Variants in INPP4B observed in about 807,000 individuals in gnomAD.
INPP4B encodes the protein inositol polyphosphate 4-phosphatase type II.
Under a neutral mutation model 122.5 loss-of-function variants are expected in INPP4B, and 55 were observed. The observed-to-expected ratio is 0.45, with a 90% CI of 0.36 to 0.56. INPP4B has a LOEUF of 0.56. INPP4B is among the 20% of genes least tolerant of loss of function. The pLI is 0.00. For missense variants in INPP4B, 1,000 were observed against 1,097.7 expected (o/e 0.91, Z 1.26); for synonymous variants, 403 against 388.7 (o/e 1.04, Z -0.43).
intron 2 of INPP4B, among the ~76,000 whole-genome samples, chr4:142,706,488 G>A (rs1762488795): frequency 6.6e-6 from 1 of 152,124 alleles, no homozygotes; most frequent in Admixed American, 6.5e-5. Context: ...TCTGGCTAGG[G>A]GTATGTATTT....
In INPP4B at chr4:142,512,217, TC is replaced by T. The variant is rs548243766; in HGVS notation, c.-190-49492del. On this transcript the variant is annotated intron_variant, in intron 2 of 25. Transcript: ENST00000262992. ...TAAAATCCCATGACCAGTTTATTAC[TC>T]ATTAAAAAATAGCTAAGTACCTTTT... 1.4e-3 allele frequency among the ~76,000 whole-genome samples: 210 copies of T among 152,284 alleles called. 4 individuals are homozygous for T. The South Asian group carries it at 0.044, about 32-fold the overall frequency.
intron 12 of INPP4B, among the ~76,000 whole-genome samples, chr4:142,227,856 T>TAAAAAAAAAA (rs60375355): frequency 1.8e-4 from 6 of 34,226 alleles, no homozygotes; most frequent in East Asian, 9.5e-4. Flanking sequence ...AGACTCTATC[T>TAAAAAAAAAA]AAAAAAAAAA....
At chr4:142,257,382 G>T (rs1269522866) in intron 11 of INPP4B, among the ~76,000 whole-genome samples, 7 of 152,116 alleles carry the variant, frequency 4.6e-5, no homozygotes, top group Non-Finnish European at 1.0e-4. Flanking sequence ...AGGAAATAAA[G>T]GGTATTCAAT....
At chr4:142,832,977 CA>C (rs1474902652) in intron 1 of INPP4B, among the ~76,000 whole-genome samples, 1 of 152,030 alleles carries the variant, frequency 6.6e-6, no homozygotes, top group Non-Finnish European at 1.5e-5. Context: ...CCTTGTTTTA[CA>C]TGATAATACG....
chr4:142,188,613 G>C (rs1018215342), intron 15 of INPP4B, among the ~76,000 whole-genome samples: 2 of 149,220 alleles, frequency 1.3e-5, no homozygotes, highest in Non-Finnish European at 3.0e-5. Context: ...ACAAGTCAAA[G>C]GTCTAAGTGG....
chr4:142,353,643 A>G lies in INPP4B; in HGVS notation c.373-38881T>C, dbSNP rs1782659056. On this transcript the variant is annotated intron_variant, in intron 7 of 25. Coordinates refer to ENST00000262992, the MANE Select transcript of INPP4B (RefSeq NM_001101669.3). Reference sequence around the variant, plus strand: ...ATACAACTGCATCTAGGATTATCTGATTGCTGCCTTTGCTTAGCCACTTAT... The same window carrying G: ...ATACAACTGCATCTAGGATTATCTGGTTGCTGCCTTTGCTTAGCCACTTAT... 1.3e-5 allele frequency among the ~76,000 whole-genome samples: 2 copies of G among 151,966 alleles called. 1 individual carries two copies. Among genetic ancestry groups the G allele is most frequent in the South Asian group, 4.1e-4 (2 of 4,828 alleles).
intron 2 of INPP4B, among the ~76,000 whole-genome samples, chr4:142,566,772 C>A (rs1328051952): frequency 6.6e-6 from 1 of 152,106 alleles, no homozygotes; most frequent in Admixed American, 6.5e-5. Flanking sequence ...TTGGGACTCT[C>A]CAGGAGGTTG....
At chr4:142,463,553 GA>G (rs1277247606) in intron 2 of INPP4B, among the ~76,000 whole-genome samples, 17 of 152,234 alleles carry the variant, frequency 1.1e-4, no homozygotes, top group African/African-American at 4.1e-4. Flanking sequence ...GCATGACTAT[GA>G]TTATACAGCT....
intron 5 of INPP4B, among the ~76,000 whole-genome samples, chr4:142,418,407 A>G (rs1211720916): frequency 6.6e-6 from 1 of 152,184 alleles, no homozygotes; most frequent in Non-Finnish European, 1.5e-5. Flanking sequence ...TGTGCCCAAT[A>G]TGATTCTAGG....
chr4:142,253,358 G>C (rs961789103), intron 11 of INPP4B, among the ~76,000 whole-genome samples: 11 of 152,204 alleles, frequency 7.2e-5, no homozygotes, highest in Non-Finnish European at 1.3e-4. Flanking sequence ...GAGCCAAGAT[G>C]GCCGAATAGG....
At chr4:142,303,930 T>C (rs1762429778) in intron 9 of INPP4B, among the ~76,000 whole-genome samples, 1 of 152,146 alleles carries the variant, frequency 6.6e-6, no homozygotes, top group South Asian at 2.1e-4. Context: ...TCACTAATTT[T>C]AATTTTACTA....
intron 2 of INPP4B, among the ~76,000 whole-genome samples, chr4:142,651,534 G>A (rs1339222973): frequency 2.6e-5 from 4 of 151,846 alleles, no homozygotes; most frequent in South Asian, 2.1e-4. Context: ...ACTGATAAAG[G>A]GGATATCACC....
At chr4:142,474,042 G>A (rs1819389803) in intron 2 of INPP4B, among the ~76,000 whole-genome samples, 1 of 152,172 alleles carries the variant, frequency 6.6e-6, no homozygotes, top group Non-Finnish European at 1.5e-5. Flanking sequence ...TGCAGGGCAG[G>A]AGACCCCACC....
At chr4:142,394,533 T>C (rs1798743089) in intron 7 of INPP4B, among the ~76,000 whole-genome samples, 3 of 152,246 alleles carry the variant, frequency 2.0e-5, no homozygotes, top group South Asian at 4.1e-4. Flanking sequence ...AGGTGATATC[T>C]CATTATGGTT....
intron 12 of INPP4B, among the ~76,000 whole-genome samples, chr4:142,225,788 G>A (rs1851288828): frequency 6.6e-6 from 1 of 152,016 alleles, no homozygotes. Flanking sequence ...TGGTTATGAG[G>A]TTCATTTCCA....
chr4:142,705,581 T>G (rs2150775010), intron 2 of INPP4B, among the ~76,000 whole-genome samples: 1 of 152,172 alleles, frequency 6.6e-6, no homozygotes, highest in South Asian at 2.1e-4. Context: ...ATATTGCTTC[T>G]GGGAAGCTGC....
rs751482082 is a variant in INPP4B at position 142,314,765 on chromosome 4, G to A, written c.373-3C>T. On this transcript the variant is annotated splice_region_variant and splice_polypyrimidine_tract_variant and intron_variant, in intron 7 of 25. Transcript: ENST00000262992. ...TCTGGTAGGACACTGGTTCGAACCT[G>A]TGGAGAAAAACATTTTCTGTAAGAC... The A allele has an allele frequency of 1.0e-5, 16 of 1,593,556 alleles. No homozygotes were observed. The highest frequency in any genetic ancestry group is 3.3e-4 in the Middle Eastern group (2 of 6,046).
At chr4:142,398,445 T>TAAAAAA (rs1554048511) in intron 7 of INPP4B, among the ~76,000 whole-genome samples, 4 of 74,554 alleles carry the variant, frequency 5.4e-5, no homozygotes, top group African/African-American at 2.9e-4. Flanking sequence ...TATATATATA[T>TAAAAAA]AAAACATATT....
At chr4:142,601,038 A>G (rs1158016642) in intron 2 of INPP4B, among the ~76,000 whole-genome samples, 1 of 152,188 alleles carries the variant, frequency 6.6e-6, no homozygotes, top group African/African-American at 2.4e-5. Flanking sequence ...TGGGACACCC[A>G]GATTCATAAA....
Sources: gnomAD v4.1 joint callset for allele counts (sites outside exome capture counted in the v4.1 genomes callset) on GRCh38, gnomAD v4.1.1 for gene constraint, MANE v1.5 for transcripts, NCBI Gene and HGNC (gene_info 2026-07-23, HGNC 2026-07-21) for gene names.